C5orf58: variants seen among roughly 807,000 people sequenced by gnomAD.
C5orf58 encodes putative uncharacterized protein C5orf58.
A neutral mutation model predicts 2.9 loss-of-function variants in C5orf58; 2 were observed. The observed-to-expected ratio is 0.69, with a 90% CI of 0.28 to 2.18. The LOEUF (loss-of-function observed/expected upper bound fraction) is 2.18, where lower values mean the gene tolerates loss of function less well. Among genes scored for constraint, C5orf58 ranks in the 30% most tolerant of loss-of-function variants. C5orf58 has a pLI of 0.13. For synonymous variants in C5orf58, 37 were observed against 33.4 expected (o/e 1.11, Z -0.37); for missense variants, 96 against 91.7 (o/e 1.05, Z -0.19).
intron 3 of C5orf58, among the ~76,000 whole-genome samples, chr5:170,241,500 G>C (rs1477869294): frequency 6.6e-6 from 1 of 150,432 alleles, no homozygotes; most frequent in Admixed American, 6.6e-5. Flanking sequence ...CACATCCCTT[G>C]TAAGTTGGAT....
exon 3 of C5orf58, chr5:170,252,168 CTCTT>C (rs970200431): frequency 7.4e-5 from 21 of 285,496 alleles, no homozygotes; most frequent in African/African-American, 4.5e-4. Context: ...ACAAGACAGA[CTCTT>C]TCATTAATAA....
downstream of C5orf58, chr5:170,250,671 G>A (rs1469732008): frequency 9.1e-6 from 12 of 1,312,050 alleles, no homozygotes; most frequent in South Asian, 1.1e-4. Flanking sequence ...GCTCCATGAA[G>A]GCATGCAGAG....
intron 1 of C5orf58, 33 bp from the exon 2 acceptor site, chr5:170,234,082 C>A: frequency 7.7e-7 from 1 of 1,293,244 alleles, no homozygotes; most frequent in Non-Finnish European, 1.0e-6. Flanking sequence ...AGATGCAAAG[C>A]GCATTTTATT....
chr5:170,235,387 T>C lies in C5orf58; in HGVS notation c.94+317T>C, dbSNP rs189841182. 7.4e-4 allele frequency among the ~76,000 whole-genome samples: 112 copies of C among 152,354 alleles called. 1 individual carries two copies. Among genetic ancestry groups the C allele is most frequent in the African/African-American group, 2.6e-3 (107 of 41,576 alleles). ...GTCACATTCAGCAAAATTCATTGTC[T>C]TTATAAATTCTTACTAAGCCCCTAA... On this transcript the variant is annotated intron_variant, in intron 3 of 3. Transcript: ENST00000593851.
chr5:170,245,570 A>C (rs1761237558), intron 3 of C5orf58, among the ~76,000 whole-genome samples: 1 of 152,172 alleles, frequency 6.6e-6, no homozygotes, highest in Admixed American at 6.5e-5. Context: ...TTTGACTCGG[A>C]AAGGGAACTC....
downstream of C5orf58, chr5:170,250,794 A>T: frequency 6.2e-7 from 1 of 1,612,322 alleles, no homozygotes; most frequent in South Asian, 1.1e-5. Flanking sequence ...ACGGATCTGG[A>T]TGTTGTAAAC....
downstream of C5orf58, among the ~76,000 whole-genome samples, chr5:170,250,238 A>C (rs1012847422): frequency 2.0e-5 from 3 of 152,228 alleles, no homozygotes; most frequent in Non-Finnish European, 2.9e-5. Flanking sequence ...ATGAGAATCT[A>C]AACCTTGGCC....
chr5:170,237,372 A>C, intron 3 of C5orf58: 1 of 398,144 alleles, frequency 2.5e-6, no homozygotes, highest in East Asian at 3.6e-5. Flanking sequence ...TGAGGTAGGA[A>C]CTATTGCCAT....
chr5:170,238,363 G>A (rs903979165), intron 3 of C5orf58, among the ~76,000 whole-genome samples: 1 of 152,110 alleles, frequency 6.6e-6, no homozygotes, highest in Non-Finnish European at 1.5e-5. Flanking sequence ...TGAAAAACTC[G>A]ATAGAAGGGT....
chr5:170,241,097 G>A lies in C5orf58; in HGVS notation c.95-4865G>A, dbSNP rs1234236672. Among the ~76,000 whole-genome samples the A allele has an allele frequency of 5.1e-4, 76 of 148,244 alleles. 1 individual carries two copies. The highest frequency in any genetic ancestry group is 1.7e-3 in the African/African-American group (70 of 40,012). On this transcript the variant is annotated intron_variant, in intron 3 of 3. Coordinates refer to ENST00000593851, the MANE Select transcript of C5orf58 (RefSeq NM_001102609.3). ...GATCAGATAGTTGTAGATATGCGGC[G>A]TTATTTCTGAGGGCTCTGTTCTGTT...
At chr5:170,252,253 T>G, downstream of C5orf58, 2 of 412,710 alleles carry the variant, frequency 4.8e-6, no homozygotes, top group Non-Finnish European at 8.8e-6. Context: ...TTCCCGAGCC[T>G]AGGAATCCCT....
chr5:170,244,984 G>C (rs1227824472), intron 3 of C5orf58, among the ~76,000 whole-genome samples: 2 of 152,188 alleles, frequency 1.3e-5, no homozygotes, highest in African/African-American at 4.8e-5. Context: ...CTGTTTGTTA[G>C]TTTTCCTTCT....
intron 2 of C5orf58, among the ~76,000 whole-genome samples, 168 bp downstream of exon 2, chr5:170,234,366 C>T (rs1216181535): frequency 2.6e-5 from 4 of 152,174 alleles, no homozygotes; most frequent in Non-Finnish European, 5.9e-5. Context: ...ATATTTGTAT[C>T]TGACACAATT....
At chr5:170,234,083 G>T (rs968199503) in intron 1 of C5orf58, 32 bp from the exon 2 acceptor site, 4 of 1,294,450 alleles carry the variant, frequency 3.1e-6, no homozygotes, top group East Asian at 4.6e-5. Context: ...GATGCAAAGC[G>T]CATTTTATTA....
chr5:170,252,167 ACT>A (rs1233659925), exon 3 of C5orf58: 10 of 283,708 alleles, frequency 3.5e-5, no homozygotes, highest in Non-Finnish European at 2.7e-5. Flanking sequence ...GACAAGACAG[ACT>A]CTTTCATTAA....
rs535152740 is a variant in C5orf58, at chr5:170,242,607, G to T, written c.95-3355G>T. Among the ~76,000 whole-genome samples the T allele has an allele frequency of 1.7e-4, 16 of 95,836 alleles. 1 individual carries two copies. The South Asian group carries it at 5.4e-3, about 32-fold the overall frequency. The allele number at this position is 95,836 out of a possible 152,430, so 62.9% of individuals were successfully genotyped here. On this transcript the variant is annotated intron_variant, in intron 3 of 3. Coordinates refer to ENST00000593851, the MANE Select transcript of C5orf58 (RefSeq NM_001102609.3). ...TTCTCTGATGGTAGTTTGTATTTCT[G>T]TGGGATCGGTGGTGATATCCCCTTT...
downstream of C5orf58, chr5:170,248,061 G>GTTGTT (rs1415247350): frequency 6.6e-6 from 1 of 152,196 alleles, no homozygotes; most frequent in African/African-American, 2.4e-5. Context: ...AGTCAATAAA[G>GTTGTT]TTGTTTTAGG....
downstream of C5orf58, chr5:170,251,023 C>T (rs924787303): frequency 1.6e-6 from 1 of 623,976 alleles, no homozygotes; most frequent in Non-Finnish European, 2.8e-6. Context: ...CAAAACCTGT[C>T]ATTCAACGAA....
chr5:170,245,493 C>G (rs970159775), intron 3 of C5orf58, among the ~76,000 whole-genome samples: 1 of 152,138 alleles, frequency 6.6e-6, no homozygotes, highest in Non-Finnish European at 1.5e-5. Context: ...TTTTTTAAGC[C>G]GGTCTGAAAA....
Sources: gnomAD v4.1 joint callset for allele counts (sites outside exome capture counted in the v4.1 genomes callset) on GRCh38, gnomAD v4.1.1 for gene constraint, MANE v1.5 for transcripts, NCBI Gene and HGNC (gene_info 2026-07-23, HGNC 2026-07-21) for gene names.